GRIK1: variants seen among roughly 807,000 people sequenced by gnomAD.
GRIK1 encodes glutamate ionotropic receptor kainate type subunit 1, also known as glutamate receptor ionotropic, kainate 1.
A neutral mutation model predicts 105.7 loss-of-function variants in GRIK1; 69 were observed. The observed-to-expected ratio is 0.65, with a 90% confidence interval of 0.54 to 0.80. GRIK1 has a LOEUF of 0.80. Among genes scored for constraint, GRIK1 ranks in the 30% least tolerant of loss-of-function variants. GRIK1 has a pLI of 0.00. For missense variants in GRIK1, 1,109 were observed against 1,167.3 expected (o/e 0.95, Z 0.73); for synonymous variants, 438 against 431.3 (o/e 1.02, Z -0.19).
chr21:29,573,230 T>G (rs1472960153), intron 14 of GRIK1, among the ~76,000 whole-genome samples: 1 of 152,228 alleles, frequency 6.6e-6, no homozygotes, highest in Non-Finnish European at 1.5e-5. Flanking sequence ...CCTGAGAGAA[T>G]GCTTGCATTG....
chr21:29,538,480 G>C lies in GRIK1; in HGVS notation c.2608-596C>G, dbSNP rs545353148. 2.6e-5 allele frequency among the ~76,000 whole-genome samples: 4 copies of C among 152,178 alleles called. No homozygotes were observed. The South Asian group carries it at 8.3e-4, about 32-fold the overall frequency. ...GGTTTCAATTATGCAAGATAAATAA[G>C]TTCTGGAGATCTTCTGTACAACATT... is the stretch of plus-strand genomic sequence containing the variant. On this transcript the variant is annotated intron_variant, in intron 16 of 17. Transcript: ENST00000327783.
At chr21:29,816,450 T>G (rs2067157204) in intron 1 of GRIK1, among the ~76,000 whole-genome samples, 1 of 152,042 alleles carries the variant, frequency 6.6e-6, no homozygotes, top group Non-Finnish European at 1.5e-5. Context: ...TACCAGGTAT[T>G]TATCCAAAGG....
At chr21:29,741,867 A>G (rs950011467) in intron 1 of GRIK1, among the ~76,000 whole-genome samples, 4 of 152,060 alleles carry the variant, frequency 2.6e-5, no homozygotes, top group African/African-American at 9.7e-5. Context: ...ATCTTTACAT[A>G]TTTTCTTGCA....
intron 7 of GRIK1, among the ~76,000 whole-genome samples, chr21:29,610,046 T>C (rs372808239): frequency 4.0e-4 from 61 of 152,148 alleles, no homozygotes; most frequent in Admixed American, 1.0e-3. Context: ...CAGAAAGCCC[T>C]CTCTGGAAAC....
chr21:29,890,622 T>A (rs2069859811), intron 1 of GRIK1, among the ~76,000 whole-genome samples: 1 of 152,124 alleles, frequency 6.6e-6, no homozygotes, highest in Non-Finnish European at 1.5e-5. Context: ...AAGAACACAA[T>A]GAAATGTTTC....
intron 1 of GRIK1, among the ~76,000 whole-genome samples, chr21:29,758,015 CAG>C (rs2065395453): frequency 6.6e-6 from 1 of 152,198 alleles, no homozygotes; most frequent in Admixed American, 6.5e-5. Context: ...TTGCTCTAAT[CAG>C]AGAACAGTGA....
intron 2 of GRIK1, among the ~76,000 whole-genome samples, chr21:29,692,866 C>T (rs2063611499): frequency 6.6e-6 from 1 of 152,188 alleles, no homozygotes; most frequent in Admixed American, 6.5e-5. Context: ...AGCCACTGCG[C>T]CCTGCTATGT....
intron 14 of GRIK1, among the ~76,000 whole-genome samples, chr21:29,573,066 C>A (rs2090792919): frequency 6.6e-6 from 1 of 152,158 alleles, no homozygotes; most frequent in African/African-American, 2.4e-5. Context: ...AGCCACAGCG[C>A]CTGGTGCTCA....
chr21:29,814,456 G>T (rs1219499667), intron 1 of GRIK1, among the ~76,000 whole-genome samples: 1 of 151,944 alleles, frequency 6.6e-6, no homozygotes, highest in Non-Finnish European at 1.5e-5. Context: ...CTGTTCCCAC[G>T]AGCCAGGAGT....
At chr21:29,910,832 G>C (rs562920053) in intron 1 of GRIK1, among the ~76,000 whole-genome samples, 77 of 151,588 alleles carry the variant, frequency 5.1e-4, no homozygotes, top group African/African-American at 1.8e-3. Context: ...ATAGAATGCT[G>C]TTTTTCTCTT....
intron 1 of GRIK1, among the ~76,000 whole-genome samples, chr21:29,777,106 C>T (rs768456256): frequency 7.9e-5 from 12 of 151,964 alleles, no homozygotes; most frequent in Non-Finnish European, 1.5e-4. Flanking sequence ...ATTCTCAGGC[C>T]CCACCCTAGA....
chr21:29,571,749 T>G (rs1378718044), intron 14 of GRIK1, among the ~76,000 whole-genome samples: 1 of 152,348 alleles, frequency 6.6e-6, no homozygotes. Context: ...AAAATGATTT[T>G]AAATCAACTT....
chr21:29,770,076 C>A (rs567870351), intron 1 of GRIK1, among the ~76,000 whole-genome samples: 2 of 152,292 alleles, frequency 1.3e-5, no homozygotes, highest in South Asian at 4.1e-4. Context: ...CTTCCCTGAT[C>A]TTCTGGATGC....
chr21:29,612,400 C>G (rs1198052881), intron 7 of GRIK1, among the ~76,000 whole-genome samples: 1 of 152,178 alleles, frequency 6.6e-6, no homozygotes, highest in Non-Finnish European at 1.5e-5. Flanking sequence ...TACCACATTA[C>G]CATAAGTGTG....
In GRIK1 at chr21:29,697,998, TTTCTTTCTTTCC is replaced by T. The variant is rs1187603264; in HGVS notation, c.119-3947_119-3936del. ...CTCTCTGTCTCTTTCTTTCTTTCTC[TTTCTTTCTTTCC>T]TTCTTTCTTTCCTTCTCCCTTTCTT... On this transcript the variant is annotated intron_variant, in intron 1 of 17. Coordinates refer to ENST00000327783, the MANE Select transcript of GRIK1 (RefSeq NM_001330994.2). 9.2e-4 allele frequency among the ~76,000 whole-genome samples: 140 copies of T among 151,484 alleles called. 2 individuals carry two copies. The East Asian group carries it at 0.023, about 25-fold the overall frequency.
At chr21:29,716,125 T>C (rs1469528160) in intron 1 of GRIK1, among the ~76,000 whole-genome samples, 2 of 152,152 alleles carry the variant, frequency 1.3e-5, no homozygotes, top group Admixed American at 6.5e-5. Context: ...AAGAAGGACA[T>C]GTTTGCTTCC....
chr21:29,800,498 C>T (rs1275408009), intron 1 of GRIK1, among the ~76,000 whole-genome samples: 2 of 152,104 alleles, frequency 1.3e-5, no homozygotes, highest in African/African-American at 4.8e-5. Context: ...GAGTATGTAC[C>T]CAGGTCTTGC....
chr21:29,745,714 A>G (rs1397914832), intron 1 of GRIK1, among the ~76,000 whole-genome samples: 1 of 152,210 alleles, frequency 6.6e-6, no homozygotes, highest in Admixed American at 6.5e-5. Flanking sequence ...CGTCCTTGAC[A>G]GTTATGAAAT....
At chr21:29,871,760 ATTTT>A (rs35513177) in intron 1 of GRIK1, among the ~76,000 whole-genome samples, 6 of 121,158 alleles carry the variant, frequency 5.0e-5, no homozygotes, top group African/African-American at 1.2e-4. Context: ...AATCTTTTTA[ATTTT>A]TTTTTTTTTT....
Sources: allele counts gnomAD v4.1 joint callset (sites outside exome capture counted in the v4.1 genomes callset), GRCh38; gene constraint gnomAD v4.1.1; transcripts MANE v1.5; gene names NCBI Gene and HGNC (gene_info 2026-07-23, HGNC 2026-07-21).